The following ZNF385B variants were observed in gnomAD, a reference collection of about 807,000 sequenced individuals.
ZNF385B encodes the protein zinc finger protein 385B, also known as zinc finger protein 533.
A neutral mutation model predicts 39.2 loss-of-function variants in ZNF385B; 23 were observed. That is an observed-to-expected ratio of 0.59 (90% CI 0.42 to 0.83). The LOEUF (loss-of-function observed/expected upper bound fraction) is 0.83. ZNF385B is among the 40% of genes least tolerant of loss of function. The pLI is 0.00. For synonymous variants in ZNF385B, 205 were observed against 222.6 expected (o/e 0.92, Z 0.70); for missense variants, 552 against 598.9 (o/e 0.92, Z 0.82).
At chr2:179,571,114 A>C (rs1240830608) in intron 3 of ZNF385B, among the ~76,000 whole-genome samples, 1 of 152,200 alleles carries the variant, frequency 6.6e-6, no homozygotes, top group Non-Finnish European at 1.5e-5. Context: ...TTAACAATTT[A>C]AACACTGCTT....
In ZNF385B at chr2:179,842,779, T is replaced by C. The variant is rs146937701; in HGVS notation, c.-155+18322A>G. On this transcript the variant is annotated intron_variant, in intron 1 of 9. Transcript: ENST00000410066. Reference sequence around the variant, plus strand: ...TCCATGTGCCGTTAGCCTCATAGTTTTGCACATGCTATTTCATCTGCTTAA... The same window carrying C: ...TCCATGTGCCGTTAGCCTCATAGTTCTGCACATGCTATTTCATCTGCTTAA... Among the ~76,000 whole-genome samples the C allele has an allele frequency of 5.9e-3, 902 of 152,300 alleles. 14 individuals are homozygous for C. Among genetic ancestry groups the C allele is most frequent in the African/African-American group, 0.021 (875 of 41,568 alleles).
chr2:179,670,258 C>G (rs1173382681), intron 3 of ZNF385B, among the ~76,000 whole-genome samples: 2 of 146,546 alleles, frequency 1.4e-5, no homozygotes, highest in Admixed American at 1.4e-4. Flanking sequence ...CGCCACTGCA[C>G]TCTCGCCTGG....
At chr2:179,517,272 T>A (rs2058158384) in intron 5 of ZNF385B, among the ~76,000 whole-genome samples, 2 of 151,948 alleles carry the variant, frequency 1.3e-5, no homozygotes, top group African/African-American at 4.8e-5. Flanking sequence ...CCATTTTCCA[T>A]AATAAAAAAA....
chr2:179,813,056 CA>C (rs1304582385), intron 1 of ZNF385B, among the ~76,000 whole-genome samples: 1 of 152,044 alleles, frequency 6.6e-6, no homozygotes, highest in Admixed American at 6.5e-5. Flanking sequence ...TCAAATTAGT[CA>C]CATTTAAAAA....
chr2:179,775,079 G>A (rs1704236098), intron 1 of ZNF385B, among the ~76,000 whole-genome samples: 1 of 152,074 alleles, frequency 6.6e-6, no homozygotes, highest in East Asian at 1.9e-4. Context: ...TGCAAAGGGA[G>A]GCAAAAAGTT....
intron 3 of ZNF385B, among the ~76,000 whole-genome samples, chr2:179,724,154 C>G (rs1003365217): frequency 5.9e-5 from 9 of 151,930 alleles, no homozygotes; most frequent in Non-Finnish European, 1.0e-4. Flanking sequence ...ACGAAAAATA[C>G]AAAAATTCAC....
chr2:179,768,377 C>T (rs998671316), intron 3 of ZNF385B, among the ~76,000 whole-genome samples: 8 of 151,962 alleles, frequency 5.3e-5, no homozygotes, highest in African/African-American at 1.5e-4. Flanking sequence ...ATGCTGTAAG[C>T]CCCTTTACTT....
At chr2:179,738,585 T>C (rs1701905125) in intron 3 of ZNF385B, among the ~76,000 whole-genome samples, 1 of 152,228 alleles carries the variant, frequency 6.6e-6, no homozygotes, top group African/African-American at 2.4e-5. Flanking sequence ...TACTGTTAGT[T>C]GAAACTGATC....
intron 3 of ZNF385B, among the ~76,000 whole-genome samples, chr2:179,545,438 C>T (rs1408285008): frequency 6.6e-6 from 1 of 151,978 alleles, no homozygotes; most frequent in Non-Finnish European, 1.5e-5. Flanking sequence ...AAACTTGAAC[C>T]TGTATAGTTA....
intron 5 of ZNF385B, among the ~76,000 whole-genome samples, chr2:179,496,676 G>A (rs564507755): frequency 6.6e-6 from 1 of 152,316 alleles, no homozygotes; most frequent in Non-Finnish European, 1.5e-5. Flanking sequence ...CCAGGAAAGA[G>A]TGGCATGACA....
chr2:179,482,351 C>T (rs1389268853), intron 6 of ZNF385B, among the ~76,000 whole-genome samples: 1 of 152,098 alleles, frequency 6.6e-6, no homozygotes, highest in East Asian at 1.9e-4. Context: ...GAACATCAAA[C>T]ATAAGAAAAA....
intron 3 of ZNF385B, chr2:179,583,830 G>GC: frequency 8.7e-7 from 1 of 1,147,086 alleles, no homozygotes; most frequent in Non-Finnish European, 1.1e-6. Flanking sequence ...AGTGGAACTG[G>GC]CAGCAGGGCC....
intron 3 of ZNF385B, among the ~76,000 whole-genome samples, chr2:179,744,604 C>T (rs541031156): frequency 2.0e-5 from 3 of 152,096 alleles, no homozygotes; most frequent in Admixed American, 6.6e-5. Context: ...AAGAGGTTCT[C>T]GAGCCTTCTA....
chr2:179,533,519 C>A lies in ZNF385B; in HGVS notation c.441+11308G>T, dbSNP rs570081323. ...CTACTAATCTTTTTTGAGTAGGCAG[C>A]GAACTTACAATTAGACGCCATGCTC... On this transcript the variant is annotated intron_variant, in intron 4 of 9. Transcript: ENST00000410066. 2.0e-5 allele frequency among the ~76,000 whole-genome samples: 3 copies of A among 152,174 alleles called. No homozygotes were observed. The South Asian group carries it at 6.2e-4, about 32-fold the overall frequency.
chr2:179,573,719 C>T (rs914877794), intron 3 of ZNF385B, among the ~76,000 whole-genome samples: 5 of 151,896 alleles, frequency 3.3e-5, no homozygotes, highest in South Asian at 4.2e-4. Flanking sequence ...AAATAAAAAA[C>T]GGATGAGAAA....
chr2:179,448,642 A>C (rs768741889), intron 6 of ZNF385B, among the ~76,000 whole-genome samples: 15 of 152,288 alleles, frequency 9.8e-5, no homozygotes, highest in Middle Eastern at 3.4e-3. Flanking sequence ...GGTAAGGCTC[A>C]AAATGATTAT....
At chr2:179,608,928 T>G (rs1046782828) in intron 3 of ZNF385B, among the ~76,000 whole-genome samples, 1 of 128,926 alleles carries the variant, frequency 7.8e-6, no homozygotes, top group Non-Finnish European at 1.6e-5. Flanking sequence ...TTTATTTTCT[T>G]TAAAAAAAAT....
intron 3 of ZNF385B, among the ~76,000 whole-genome samples, chr2:179,626,845 T>C (rs545890363): frequency 6.6e-6 from 1 of 152,320 alleles, no homozygotes; most frequent in Admixed American, 6.5e-5. Context: ...CTATTATTAA[T>C]AATTCTGTTG....
chr2:179,764,840 A>C (rs1297409720), intron 3 of ZNF385B, among the ~76,000 whole-genome samples: 1 of 152,176 alleles, frequency 6.6e-6, no homozygotes, highest in Non-Finnish European at 1.5e-5. Flanking sequence ...GGATGTTCAG[A>C]TATTTGGTTA....
Sources: gnomAD v4.1 joint callset for allele counts (sites outside exome capture counted in the v4.1 genomes callset) on GRCh38, gnomAD v4.1.1 for gene constraint, MANE v1.5 for transcripts, NCBI Gene and HGNC (gene_info 2026-07-23, HGNC 2026-07-21) for gene names.